Variants in PTPRM observed in about 807,000 individuals in gnomAD.
The protein encoded by PTPRM is receptor-type tyrosine-protein phosphatase mu.
In PTPRM, 47 loss-of-function variants were observed where a neutral mutation model predicts 186.7. The ratio of observed to expected loss-of-function variants is 0.25; its 90% CI spans 0.20 to 0.32. PTPRM has a LOEUF of 0.32. Among genes scored for constraint, PTPRM ranks in the 10% least tolerant of loss-of-function variants. PTPRM has a pLI of 1.00. For missense variants in PTPRM, 1,494 were observed against 1,865.0 expected (o/e 0.80, Z 3.66); for synonymous variants, 668 against 674.9 (o/e 0.99, Z 0.16).
intron 1 of PTPRM, among the ~76,000 whole-genome samples, chr18:7,758,936 T>G (rs1164937595): frequency 6.6e-6 from 1 of 151,984 alleles, no homozygotes; most frequent in African/African-American, 2.4e-5. Context: ...ACTGGCAAAT[T>G]CAGTACAGCA....
Position 7,761,427 on chromosome 18 carries a change from G to A in PTPRM, c.74-12722G>A, listed in dbSNP as rs55749601. Among the ~76,000 whole-genome samples, 767 of 152,266 alleles carry A rather than the reference G, an allele frequency of 5.0e-3. 4 individuals carry two copies. The highest frequency in any genetic ancestry group is 0.017 in the African/African-American group (695 of 41,562). On this transcript the variant is annotated intron_variant, in intron 1 of 32. Coordinates refer to ENST00000580170, the MANE Select transcript of PTPRM (RefSeq NM_001105244.2). ...ACACTGACTGAGGAGCTGAACCAGA[G>A]TTCCAGTATGATGCACATAAAGTCC...
chr18:8,107,769 G>T (rs1277628165), intron 11 of PTPRM, among the ~76,000 whole-genome samples: 1 of 152,170 alleles, frequency 6.6e-6, no homozygotes, highest in Non-Finnish European at 1.5e-5. Context: ...TGTGTGATGT[G>T]TTACCCATTG....
At chr18:8,211,779 G>GGA (rs1427166987) in intron 14 of PTPRM, among the ~76,000 whole-genome samples, 1 of 152,126 alleles carries the variant, frequency 6.6e-6, no homozygotes, top group Non-Finnish European at 1.5e-5. Flanking sequence ...GATGTGGAGT[G>GGA]GGAGATCTGA....
At chr18:8,207,390 A>G (rs1209642206) in intron 14 of PTPRM, among the ~76,000 whole-genome samples, 1 of 152,160 alleles carries the variant, frequency 6.6e-6, no homozygotes, top group Non-Finnish European at 1.5e-5. Flanking sequence ...TGATTTATAG[A>G]TAGGATTGAT....
At chr18:8,204,583 GACAGCTGCCTCC>G (rs1333090402) in intron 14 of PTPRM, among the ~76,000 whole-genome samples, 1 of 152,036 alleles carries the variant, frequency 6.6e-6, no homozygotes, top group Non-Finnish European at 1.5e-5. Context: ...ACCCAAGCTT[GACAGCTGCCTCC>G]ACAAGGAGTC....
At chr18:7,635,011 A>G (rs2038279409) in intron 1 of PTPRM, among the ~76,000 whole-genome samples, 1 of 152,166 alleles carries the variant, frequency 6.6e-6, no homozygotes, top group African/African-American at 2.4e-5. Flanking sequence ...AAATGTAAAA[A>G]CAAAACTAAA....
chr18:7,922,750 C>CA (rs2050939023), intron 4 of PTPRM, among the ~76,000 whole-genome samples: 1 of 151,664 alleles, frequency 6.6e-6, no homozygotes, highest in Non-Finnish European at 1.5e-5. Context: ...TCAGAACTGG[C>CA]AAAAATGCAT....
At chr18:8,063,960 G>A (rs886543638) in intron 7 of PTPRM, among the ~76,000 whole-genome samples, 2 of 152,054 alleles carry the variant, frequency 1.3e-5, no homozygotes, top group Admixed American at 6.5e-5. Context: ...GCTCCTTCTA[G>A]GCTGTCAATT....
intron 2 of PTPRM, among the ~76,000 whole-genome samples, chr18:7,803,749 A>G (rs1240074439): frequency 6.6e-6 from 1 of 152,194 alleles, no homozygotes; most frequent in Non-Finnish European, 1.5e-5. Flanking sequence ...AAAGAATGAT[A>G]TTAATGTAAT....
chr18:7,902,248 T>C (rs766480973), intron 3 of PTPRM, among the ~76,000 whole-genome samples: 22 of 152,224 alleles, frequency 1.4e-4, no homozygotes, highest in Non-Finnish European at 3.1e-4. Context: ...CCTCTTGATA[T>C]TCTAGTTGGA....
chr18:7,926,157 T>C (rs2051160638), intron 4 of PTPRM, among the ~76,000 whole-genome samples: 1 of 152,220 alleles, frequency 6.6e-6, no homozygotes, highest in South Asian at 2.1e-4. Context: ...CTTGACAACA[T>C]CATTTAACTT....
intron 1 of PTPRM, among the ~76,000 whole-genome samples, chr18:7,679,366 A>G (rs559514712): frequency 1.3e-5 from 2 of 152,202 alleles, no homozygotes; most frequent in Admixed American, 6.5e-5. Context: ...ATCAAGGTTG[A>G]TAATTGGGCA....
At chr18:8,164,361 G>C (rs1380642919) in intron 14 of PTPRM, among the ~76,000 whole-genome samples, 1 of 152,144 alleles carries the variant, frequency 6.6e-6, no homozygotes, top group African/African-American at 2.4e-5. Flanking sequence ...ATGTCCAAAA[G>C]AAATGAAAAC....
intron 2 of PTPRM, among the ~76,000 whole-genome samples, chr18:7,776,013 A>G (rs1310045105): frequency 6.6e-6 from 1 of 152,224 alleles, no homozygotes; most frequent in Admixed American, 6.5e-5. Context: ...TTCAAAGCCC[A>G]GGTGTATCCT....
chr18:7,837,896 A>G (rs2046132018), intron 2 of PTPRM, among the ~76,000 whole-genome samples: 1 of 152,070 alleles, frequency 6.6e-6, no homozygotes, highest in Non-Finnish European at 1.5e-5. Context: ...TTAGGTTTTT[A>G]CTGTAGTCTT....
chr18:8,315,727 G>A (rs2095304709), intron 21 of PTPRM, among the ~76,000 whole-genome samples: 1 of 152,064 alleles, frequency 6.6e-6, no homozygotes, highest in African/African-American at 2.4e-5. Context: ...GAATATTACT[G>A]AGATGCTACT....
chr18:7,699,576 T>C (rs1035763973), intron 1 of PTPRM, among the ~76,000 whole-genome samples: 25 of 152,030 alleles, frequency 1.6e-4, no homozygotes, highest in African/African-American at 5.8e-4. Context: ...ACCTGGCTAA[T>C]TTTTGTGTTT....
intron 14 of PTPRM, among the ~76,000 whole-genome samples, chr18:8,243,755 C>G (rs559234595): frequency 4.6e-5 from 7 of 152,174 alleles, no homozygotes; most frequent in Non-Finnish European, 7.3e-5. Context: ...GTACTAGAAT[C>G]ATTGGTCATT....
chr18:8,387,531 GA>G (rs1598554237), intron 31 of PTPRM, among the ~76,000 whole-genome samples: 1 of 151,520 alleles, frequency 6.6e-6, no homozygotes, highest in Non-Finnish European at 1.5e-5. Flanking sequence ...TGGCTCTTGA[GA>G]GCCAATTGTT....
Sources: gnomAD v4.1 joint callset for allele counts (sites outside exome capture counted in the v4.1 genomes callset) on GRCh38, gnomAD v4.1.1 for gene constraint, MANE v1.5 for transcripts, NCBI Gene and HGNC (gene_info 2026-07-23, HGNC 2026-07-21) for gene names.